HPS5: variants seen among roughly 807,000 people sequenced by gnomAD.
HPS5 encodes the protein HPS5 biogenesis of lysosomal organelles complex 2 subunit 2, also known as BLOC-2 complex member HPS5.
Under a neutral mutation model 128.0 loss-of-function variants are expected in HPS5, and 83 were observed. The observed-to-expected ratio is 0.65, with a 90% CI of 0.54 to 0.78. The LOEUF is 0.78. Ranked by LOEUF, HPS5 falls within the 30% of genes least tolerant of loss-of-function variation. The pLI, the probability that HPS5 is intolerant of heterozygous loss-of-function variation, is 0.00. For missense variants in HPS5, 1,281 were observed against 1,326.2 expected, an observed-to-expected ratio of 0.97 and a Z score of 0.53; for synonymous variants, 475 against 470.2, an observed-to-expected ratio of 1.01 and a Z score of -0.13.
chr11:18,307,761 A>C (rs187121458), intron 6 of HPS5, among the ~76,000 whole-genome samples: 1 of 151,926 alleles, frequency 6.6e-6, no homozygotes, highest in East Asian at 1.9e-4. Context: ...AAAAAAACCA[A>C]AAAACTGTTT....
Position 18,287,928 on chromosome 11 carries a change from A to G in HPS5, c.2526T>C (p.Pro842=), listed in dbSNP as rs1859943311. The G allele has an allele frequency of 1.9e-6, 3 of 1,614,106 alleles. No homozygotes were observed. Among genetic ancestry groups the G allele is most frequent in the Non-Finnish European group, 2.5e-6 (3 of 1,179,988 alleles). ...TRLKLLDDEV[P]FDSPLLVVYA... ...AAACAACCAACAACGGACTATCAAA[A>G]GGAACCTCGTCATCTAGTAACTTTA... The change falls in exon 17 of 23, where the codon CCT becomes CCC. Residue 842 remains proline, a synonymous_variant. Coordinates refer to ENST00000349215, the MANE Select transcript of HPS5 (RefSeq NM_181507.2).
Position 18,317,881 on chromosome 11 carries a change from T to A in HPS5, c.-23A>T, listed in dbSNP as rs1174815517. On this transcript the variant is annotated 5_prime_UTR_variant, in exon 2 of 23. Coordinates refer to ENST00000349215, the MANE Select transcript of HPS5 (RefSeq NM_181507.2). Reference sequence around the variant, plus strand: ...CATTTAGCCAGAAAGCTGAAACTTGTTGAATGATAGATACAGTATTCCTCA... The same window carrying A: ...CATTTAGCCAGAAAGCTGAAACTTGATGAATGATAGATACAGTATTCCTCA... 6.2e-7 allele frequency: 1 copy of A among 1,608,394 alleles called. No homozygotes were observed. The highest frequency in any genetic ancestry group is 2.2e-5 in the East Asian group (1 of 44,878).
intron 16 of HPS5, among the ~76,000 whole-genome samples, chr11:18,289,430 C>T (rs905724283): frequency 5.3e-5 from 8 of 152,288 alleles, no homozygotes; most frequent in Non-Finnish European, 1.0e-4. Context: ...GATGGAGACT[C>T]TTTTCTGCTC....
intron 5 of HPS5, 73 bp from the exon 6 acceptor site, chr11:18,309,152 T>C: frequency 7.0e-7 from 1 of 1,421,426 alleles, no homozygotes; most frequent in South Asian, 1.2e-5. Context: ...CCTCTTTACC[T>C]TGTAAATGAA....
At chr11:18,315,129 G>A (rs1863464881) in intron 2 of HPS5, among the ~76,000 whole-genome samples, 2 of 152,146 alleles carry the variant, frequency 1.3e-5, no homozygotes, top group Admixed American at 6.5e-5. Context: ...ATAACTACAT[G>A]TTATTCAAAA....
intron 8 of HPS5, among the ~76,000 whole-genome samples, chr11:18,303,258 T>C (rs1371350959): frequency 2.8e-5 from 3 of 106,720 alleles, no homozygotes; most frequent in African/African-American, 1.1e-4. Context: ...GGGTTTTCTA[T>C]GTGTCTAGCA....
At chr11:18,293,010 C>T in intron 14 of HPS5, 34 bp from the exon 15 acceptor site, 17 of 1,556,494 alleles carry the variant, frequency 1.1e-5, no homozygotes, top group Non-Finnish European at 1.4e-5. Flanking sequence ...ATAACATTCA[C>T]AAGAGTTAGA....
At chr11:18,320,616 C>G (rs1299700294) in intron 1 of HPS5, among the ~76,000 whole-genome samples, 1 of 152,180 alleles carries the variant, frequency 6.6e-6, no homozygotes, top group Non-Finnish European at 1.5e-5. Context: ...ATTATCAGGT[C>G]TTCTAAAAAT....
intron 22 of HPS5, among the ~76,000 whole-genome samples, chr11:18,280,988 G>A (rs149575847): frequency 1.3e-4 from 19 of 151,682 alleles, no homozygotes; most frequent in African/African-American, 4.4e-4. Context: ...TAATACCACT[G>A]AGCTGAATAT....
chr11:18,295,035 T>G lies in HPS5; in HGVS notation c.1769A>C (p.Lys590Thr), dbSNP rs147413884. ...AAGGGCTTACTCAGTGTCTTCCTCCTTTGGGCAGGTATCTGAACTCACATC... is the reference window on the plus strand; with the variant it reads ...AAGGGCTTACTCAGTGTCTTCCTCCGTTGGGCAGGTATCTGAACTCACATC... The part of the protein sequence containing the change: ...EEDVSSDTCP[K>T]EEDTEEEKEV... Residue 590 changes from lysine to threonine, a missense_variant, in exon 14 of 23, where the codon AAG becomes ACG. Coordinates refer to ENST00000349215, the MANE Select transcript of HPS5 (RefSeq NM_181507.2). 1.7e-4 allele frequency: 271 copies of G among 1,614,028 alleles called. No individual in the cohort carries two copies. Among genetic ancestry groups the G allele is most frequent in the Non-Finnish European group, 1.9e-4 (227 of 1,180,018 alleles).
At chr11:18,303,895 C>G (rs967278194) in intron 8 of HPS5, among the ~76,000 whole-genome samples, 13 of 150,758 alleles carry the variant, frequency 8.6e-5, no homozygotes, top group Non-Finnish European at 4.4e-5. Flanking sequence ...CTTCCCAATA[C>G]CCCGCACATC....
intron 15 of HPS5, among the ~76,000 whole-genome samples, 160 bp downstream of exon 15, chr11:18,292,739 A>G (rs1288991041): frequency 6.6e-6 from 1 of 152,218 alleles, no homozygotes; most frequent in Admixed American, 6.5e-5. Flanking sequence ...AGTCCTAGGA[A>G]GGCAACTTGG....
rs1291656222 is a variant in HPS5, at chr11:18,279,572, T to C, written c.*310A>G. 2.6e-6 allele frequency: 1 copy of C among 391,716 alleles called. No homozygotes were observed. The highest frequency in any genetic ancestry group is 2.0e-5 in the African/African-American group (1 of 48,814). The allele number at this position is 391,716 out of a possible 1,614,324, so 24.3% of individuals were successfully genotyped here. On this transcript the variant is annotated 3_prime_UTR_variant, in exon 23 of 23. Coordinates refer to ENST00000349215, the MANE Select transcript of HPS5 (RefSeq NM_181507.2). The stretch of plus-strand genomic sequence containing the variant: ...TGTCTAATCCACTAGCAACAAGCAG[T>C]TAATACTGTAGTTCGGAATAATACT...
intron 1 of HPS5, 46 bp from the exon 2 acceptor site, chr11:18,317,953 T>C: frequency 7.3e-7 from 1 of 1,361,236 alleles, no homozygotes; most frequent in Non-Finnish European, 1.0e-6. Context: ...CCACCATTCA[T>C]TTAACATGCA....
intron 19 of HPS5, 98 bp from the exon 20 acceptor site, chr11:18,285,557 CTA>C: frequency 2.5e-6 from 2 of 795,000 alleles, no homozygotes; most frequent in South Asian, 1.5e-5. Flanking sequence ...TAACTGCATT[CTA>C]TTACTACATT....
At chr11:18,318,249 A>G (rs1474193679) in intron 1 of HPS5, among the ~76,000 whole-genome samples, 2 of 152,232 alleles carry the variant, frequency 1.3e-5, no homozygotes, top group East Asian at 3.8e-4. Flanking sequence ...CTGCATTTCT[A>G]TGAATACTAA....
intron 19 of HPS5, among the ~76,000 whole-genome samples, chr11:18,286,083 T>C (rs1219747633): frequency 6.6e-6 from 1 of 152,234 alleles, no homozygotes; most frequent in African/African-American, 2.4e-5. Flanking sequence ...ATCAGATTCT[T>C]ATAGGGTGAC....
In HPS5 at chr11:18,309,045, G is replaced by T; in HGVS notation, c.512C>A (p.Thr171Lys). The T allele has an allele frequency of 6.2e-7, 1 of 1,613,860 alleles. No individual in the cohort carries two copies. Among genetic ancestry groups the T allele is most frequent in the Non-Finnish European group, 8.5e-7 (1 of 1,179,782 alleles). Residue 171 changes from threonine (T) to lysine (K), a missense_variant, in exon 6 of 23, where the codon ACA becomes AAA. By Grantham distance (78) the Thr-to-Lys change is moderately conservative (BLOSUM62 -1). Transcript: ENST00000349215. ...AAAFVMFPVQ[T>K]ITTVDSCVVQ... Reference sequence around the variant, plus strand: ...AACACAGGAGTCAACAGTTGTGATTGTCTGAACAGGAAACATCACAAAAGC... The same window carrying T: ...AACACAGGAGTCAACAGTTGTGATTTTCTGAACAGGAAACATCACAAAAGC...
chr11:18,283,616 T>C (rs1392319587), intron 21 of HPS5, among the ~76,000 whole-genome samples, 179 bp downstream of exon 21: 2 of 152,084 alleles, frequency 1.3e-5, no homozygotes, highest in Admixed American at 6.6e-5. Flanking sequence ...TTTCATAACA[T>C]ATCAAGGGCT....
Sources: gnomAD v4.1 joint callset for allele counts (sites outside exome capture counted in the v4.1 genomes callset) on GRCh38, gnomAD v4.1.1 for gene constraint, MANE v1.5 for transcripts, NCBI Gene and HGNC (gene_info 2026-07-23, HGNC 2026-07-21) for gene names.